Variants in SNX29 observed in about 807,000 individuals in gnomAD.
SNX29 encodes sorting nexin-29.
In SNX29, 78 loss-of-function variants were observed where a neutral mutation model predicts 102.1. That is an observed-to-expected ratio of 0.76 (90% CI 0.64 to 0.92). SNX29 has a LOEUF of 0.92. Among genes scored for constraint, SNX29 ranks in the 40% least tolerant of loss-of-function variants. The probability of loss-of-function intolerance (pLI) is 0.00; values close to 1 mark genes in which losing one functional copy is unlikely to be tolerated. For synonymous variants in SNX29, 580 were observed against 414.5 expected (o/e 1.40, Z -4.85); for missense variants, 1,280 against 1,061.7 (o/e 1.21, Z -2.86).
intron 19 of SNX29, among the ~76,000 whole-genome samples, chr16:12,492,797 C>T (rs901405673): frequency 2.6e-5 from 4 of 152,170 alleles, no homozygotes; most frequent in Admixed American, 2.6e-4. Context: ...AATCCTTTCC[C>T]CATTGCTTGT....
intron 16 of SNX29, among the ~76,000 whole-genome samples, chr16:12,381,546 A>G (rs1243967585): frequency 4.4e-5 from 1 of 22,590 alleles, no homozygotes; most frequent in East Asian, 1.9e-3. Flanking sequence ...TCATCCATCC[A>G]CCTATCCACC....
At chr16:12,092,006 G>T (rs995903301) in intron 11 of SNX29, among the ~76,000 whole-genome samples, 9 of 152,116 alleles carry the variant, frequency 5.9e-5, no homozygotes, top group African/African-American at 1.9e-4. Context: ...GCCCTACTCG[G>T]CGGAGGTGCT....
intron 20 of SNX29, among the ~76,000 whole-genome samples, chr16:12,552,986 C>T (rs937796047): frequency 6.6e-6 from 1 of 152,216 alleles, no homozygotes; most frequent in African/African-American, 2.4e-5. Flanking sequence ...CAGGCACTGT[C>T]TGAGGGGCTG....
rs757685756 is a variant in SNX29, at chr16:12,524,751, G to A, written c.2228G>A (p.Arg743His). ...AGAAAGCAGCTCCAGAATTACCTGC[G>A]CAGCGTCATGAACAAAGTCATCCAG... Reference protein sequence around the residue: ...ERRKQLQNYLRSVMNKVIQMV... With the variant: ...ERRKQLQNYLHSVMNKVIQMV... The change falls in exon 20 of 21, where the codon CGC becomes CAC. Residue 743 changes from arginine (R) to histidine (H), a missense_variant. By Grantham distance (29) the Arg-to-His change is conservative. Transcript: ENST00000566228. 6.2e-6 allele frequency: 10 copies of A among 1,613,594 alleles called. No individual in the cohort carries two copies. The highest frequency in any genetic ancestry group is 2.7e-5 in the African/African-American group (2 of 74,836).
At chr16:12,542,174 C>G (rs1344697599) in intron 20 of SNX29, among the ~76,000 whole-genome samples, 4 of 152,194 alleles carry the variant, frequency 2.6e-5, no homozygotes, top group African/African-American at 7.2e-5. Context: ...GTGTCAGGCC[C>G]TGTGCTAAGC....
At chr16:12,124,822 G>C (rs2054135073) in intron 11 of SNX29, among the ~76,000 whole-genome samples, 1 of 152,162 alleles carries the variant, frequency 6.6e-6, no homozygotes, top group South Asian at 2.1e-4. Flanking sequence ...TCTGTCTTCT[G>C]AAGCCAAGCA....
At chr16:11,998,469 A>G (rs1390060614) in intron 1 of SNX29, among the ~76,000 whole-genome samples, 1 of 152,140 alleles carries the variant, frequency 6.6e-6, no homozygotes, top group Admixed American at 6.5e-5. Flanking sequence ...GTGTGGACAA[A>G]TAGGGTTATT....
At chr16:12,008,873 C>T (rs2056548755) in intron 3 of SNX29, among the ~76,000 whole-genome samples, 1 of 151,876 alleles carries the variant, frequency 6.6e-6, no homozygotes, top group African/African-American at 2.4e-5. Flanking sequence ...TCCCTAGTAG[C>T]TGGGACTATA....
intron 13 of SNX29, among the ~76,000 whole-genome samples, chr16:12,181,216 A>C (rs1274624789): frequency 2.0e-5 from 3 of 152,190 alleles, no homozygotes; most frequent in South Asian, 2.1e-4. Flanking sequence ...TAATTTAGAA[A>C]GTTTATTTTG....
chr16:12,444,578 T>C (rs907253733), intron 18 of SNX29, among the ~76,000 whole-genome samples: 1 of 152,248 alleles, frequency 6.6e-6, no homozygotes, highest in African/African-American at 2.4e-5. Context: ...TCTTGTTCCA[T>C]ACCAGAGTAA....
intron 15 of SNX29, among the ~76,000 whole-genome samples, chr16:12,290,343 A>G (rs1208519730): frequency 6.6e-6 from 1 of 151,972 alleles, no homozygotes; most frequent in Non-Finnish European, 1.5e-5. Context: ...TTCTTTTTTT[A>G]TGAACCCTTT....
intron 3 of SNX29, among the ~76,000 whole-genome samples, chr16:12,016,097 T>C (rs1449776563): frequency 6.6e-6 from 1 of 151,166 alleles, no homozygotes; most frequent in Admixed American, 6.6e-5. Context: ...ATTCCTGACC[T>C]CAAGTGATCT....
At chr16:12,240,327 A>G (rs762544671) in intron 14 of SNX29, among the ~76,000 whole-genome samples, 18 of 152,220 alleles carry the variant, frequency 1.2e-4, no homozygotes, top group Non-Finnish European at 2.1e-4. Context: ...GTGTATGAGT[A>G]TGCCTGTCAG....
At chr16:12,428,912 C>G (rs1260742216) in intron 18 of SNX29, among the ~76,000 whole-genome samples, 1 of 152,076 alleles carries the variant, frequency 6.6e-6, no homozygotes, top group Non-Finnish European at 1.5e-5. Context: ...CCTAGTTAAT[C>G]CCAACACACA....
intron 16 of SNX29, among the ~76,000 whole-genome samples, chr16:12,387,088 G>A (rs7190011): frequency 0.011 from 1,597 of 151,934 alleles, 37 homozygotes; most frequent in African/African-American, 0.036. Context: ...TTGTGCCACT[G>A]TATTCCAGCC....
At chr16:12,536,005 C>G (rs1053610184) in intron 20 of SNX29, among the ~76,000 whole-genome samples, 1 of 152,166 alleles carries the variant, frequency 6.6e-6, no homozygotes, top group Non-Finnish European at 1.5e-5. Context: ...CTGTTCGACA[C>G]GCACTCGGAG....
intron 4 of SNX29, among the ~76,000 whole-genome samples, chr16:12,031,649 CA>C (rs2057348332): frequency 6.6e-6 from 1 of 151,164 alleles, no homozygotes; most frequent in South Asian, 2.1e-4. Flanking sequence ...ACTAAAAATA[CA>C]AAAAATTAGC....
chr16:12,148,744 C>T (rs1200158915), intron 13 of SNX29, among the ~76,000 whole-genome samples: 2 of 152,124 alleles, frequency 1.3e-5, no homozygotes, highest in South Asian at 4.1e-4. Flanking sequence ...GTTGCCCAGG[C>T]TGGAGTACAA....
chr16:12,084,708 C>G (rs1204018275), intron 11 of SNX29, among the ~76,000 whole-genome samples: 1 of 152,144 alleles, frequency 6.6e-6, no homozygotes, highest in African/African-American at 2.4e-5. Context: ...AGGATCAACA[C>G]CCAAATCATG....
Sources: allele counts gnomAD v4.1 joint callset (sites outside exome capture counted in the v4.1 genomes callset), GRCh38; gene constraint gnomAD v4.1.1; transcripts MANE v1.5; gene names NCBI Gene and HGNC (gene_info 2026-07-23, HGNC 2026-07-21).